The following ARHGAP26 variants were observed in gnomAD, a reference collection of about 807,000 sequenced individuals.
The protein encoded by ARHGAP26 is rho GTPase-activating protein 26.
In ARHGAP26, 38 loss-of-function variants were observed where a neutral mutation model predicts 104.8. The observed-to-expected ratio is 0.36, with a 90% CI of 0.28 to 0.48. The LOEUF (loss-of-function observed/expected upper bound fraction) is 0.48. Ranked by LOEUF, ARHGAP26 falls within the 20% of genes least tolerant of loss-of-function variation. The pLI is 0.99. For missense variants in ARHGAP26, 704 were observed against 947.9 expected, an observed-to-expected ratio of 0.74 and a Z score of 3.38; for synonymous variants, 341 against 340.0, an observed-to-expected ratio of 1.00 and a Z score of -0.03.
At chr5:143,093,102 T>G (rs142479132) in intron 17 of ARHGAP26, among the ~76,000 whole-genome samples, 8 of 152,266 alleles carry the variant, frequency 5.3e-5, no homozygotes, top group African/African-American at 1.9e-4. Context: ...TCTAACAGAA[T>G]AGCTTTATAT....
chr5:142,973,264 A>G (rs750716003), intron 11 of ARHGAP26, among the ~76,000 whole-genome samples: 7 of 152,206 alleles, frequency 4.6e-5, no homozygotes, highest in Non-Finnish European at 7.3e-5. Context: ...GGGACTGACA[A>G]TTTCCATTAT....
intron 11 of ARHGAP26, among the ~76,000 whole-genome samples, chr5:143,002,485 A>G (rs1450069728): frequency 2.0e-5 from 3 of 152,134 alleles, no homozygotes; most frequent in Admixed American, 6.6e-5. Flanking sequence ...TCCTCTCACC[A>G]TGAAAACGGC....
At chr5:142,987,270 G>A (rs1355137375) in intron 11 of ARHGAP26, among the ~76,000 whole-genome samples, 1 of 152,150 alleles carries the variant, frequency 6.6e-6, no homozygotes, top group African/African-American at 2.4e-5. Context: ...GTGAATGGGA[G>A]TTCACTCATG....
intron 1 of ARHGAP26, among the ~76,000 whole-genome samples, chr5:142,824,065 C>T (rs892965326): frequency 6.6e-6 from 1 of 152,160 alleles, no homozygotes; most frequent in Non-Finnish European, 1.5e-5. Context: ...ATTTGGGGAC[C>T]AGCTCCACAA....
intron 11 of ARHGAP26, among the ~76,000 whole-genome samples, chr5:142,973,433 A>G (rs2152706513): frequency 6.6e-6 from 1 of 152,348 alleles, no homozygotes; most frequent in South Asian, 2.1e-4. Flanking sequence ...GTCTGTGCAC[A>G]TGCTCTTCCT....
intron 12 of ARHGAP26, among the ~76,000 whole-genome samples, chr5:143,030,569 A>G (rs1215170922): frequency 2.0e-5 from 3 of 152,126 alleles, no homozygotes; most frequent in African/African-American, 4.8e-5. Context: ...AGATCAGCCT[A>G]TTCATTTCTT....
intron 11 of ARHGAP26, among the ~76,000 whole-genome samples, chr5:142,973,010 C>T (rs1339986573): frequency 6.6e-6 from 1 of 151,614 alleles, no homozygotes; most frequent in African/African-American, 2.4e-5. Context: ...TCATTTTATA[C>T]CATATTTTAT....
chr5:143,041,505 G>A (rs1467016677), intron 13 of ARHGAP26: 3 of 233,122 alleles, frequency 1.3e-5, no homozygotes, highest in East Asian at 8.3e-5. Flanking sequence ...ATTTAAAAGT[G>A]TACATTTTGC....
At chr5:143,147,082 A>C (rs1157154058) in intron 19 of ARHGAP26, 149 bp from the exon 20 acceptor site, 2 of 1,000,870 alleles carry the variant, frequency 2.0e-6, no homozygotes, top group Non-Finnish European at 2.9e-6. Flanking sequence ...CCCACTTTTA[A>C]TTCTTAACCT....
intron 19 of ARHGAP26, among the ~76,000 whole-genome samples, chr5:143,145,885 A>G (rs1799096769): frequency 1.3e-5 from 2 of 152,202 alleles, no homozygotes; most frequent in Admixed American, 1.3e-4. Flanking sequence ...TTACTCTAGA[A>G]TCACTTTGTA....
intron 11 of ARHGAP26, among the ~76,000 whole-genome samples, chr5:142,963,665 G>T (rs1254862889): frequency 6.6e-6 from 1 of 152,120 alleles, no homozygotes; most frequent in Non-Finnish European, 1.5e-5. Flanking sequence ...TCTCAGAGAG[G>T]TGATTACTCC....
At chr5:142,913,172 T>A in intron 9 of ARHGAP26, 27 bp from the exon 10 acceptor site, 2 of 1,602,446 alleles carry the variant, frequency 1.2e-6, no homozygotes, top group South Asian at 1.1e-5. Flanking sequence ...TCTGGCCTCA[T>A]CTTGATAGTC....
At chr5:142,986,904 T>C (rs556261056) in intron 11 of ARHGAP26, among the ~76,000 whole-genome samples, 16 of 152,252 alleles carry the variant, frequency 1.1e-4, no homozygotes, top group Admixed American at 3.9e-4. Flanking sequence ...TTGGTTACTG[T>C]AGCTTTGTGG....
intron 11 of ARHGAP26, among the ~76,000 whole-genome samples, chr5:142,941,022 C>G (rs1030113079): frequency 1.4e-5 from 2 of 139,550 alleles, no homozygotes; most frequent in Non-Finnish European, 3.0e-5. Context: ...TTGCAGTGAG[C>G]CGAGATCATG....
rs760294395 is a variant in ARHGAP26 at position 142,885,444 on chromosome 5, C to T, written c.486+45C>T. The stretch of plus-strand genomic sequence containing the variant: ...TCCTGAATAAAGTGTTCAATTTGTA[C>T]ATGATGCTGTGGATATGTGCTGGTT... On this transcript the variant is annotated intron_variant, in intron 5 of 22. Coordinates refer to ENST00000645722, the MANE Select transcript of ARHGAP26 (RefSeq NM_001135608.3). 3.3e-6 allele frequency: 5 copies of T among 1,528,240 alleles called. No individual in the cohort carries two copies. The East Asian group carries it at 1.1e-4, about 35-fold the overall frequency. 94.7% of individuals were successfully genotyped at this position (1,528,240 alleles called of 1,614,324 possible). A position where few individuals can be genotyped will look rare whatever the true frequency, so the allele number is the denominator to read the frequency against.
chr5:143,015,765 C>T (rs1388629140), intron 12 of ARHGAP26, among the ~76,000 whole-genome samples: 1 of 152,200 alleles, frequency 6.6e-6, no homozygotes, highest in Non-Finnish European at 1.5e-5. Context: ...TCCCCCTACA[C>T]CAGCCAGAAG....
intron 17 of ARHGAP26, among the ~76,000 whole-genome samples, chr5:143,078,552 G>A (rs981090640): frequency 2.6e-5 from 4 of 152,164 alleles, no homozygotes; most frequent in South Asian, 2.1e-4. Flanking sequence ...GCAGTTGGGC[G>A]GGGTGGGGGA....
chr5:143,067,055 C>T (rs1371324566), intron 17 of ARHGAP26, among the ~76,000 whole-genome samples: 6 of 150,968 alleles, frequency 4.0e-5, no homozygotes. Context: ...CCCGCTTCTG[C>T]TTCTTGGTGT....
chr5:142,883,831 T>C (rs538989592), intron 4 of ARHGAP26, among the ~76,000 whole-genome samples: 2 of 152,368 alleles, frequency 1.3e-5, no homozygotes, highest in East Asian at 3.9e-4. Context: ...ATAATTATGC[T>C]GATTATTTGT....
Sources: gnomAD v4.1 joint callset for allele counts (sites outside exome capture counted in the v4.1 genomes callset) on GRCh38, gnomAD v4.1.1 for gene constraint, MANE v1.5 for transcripts, NCBI Gene and HGNC (gene_info 2026-07-23, HGNC 2026-07-21) for gene names.